Variants in LPP observed in about 807,000 individuals in gnomAD.
LPP encodes the protein lipoma-preferred partner.
LPP carries 38 observed loss-of-function variants against 60.4 expected under a neutral mutation model. The ratio of observed to expected loss-of-function variants is 0.63; its 90% CI spans 0.49 to 0.83. LPP has a LOEUF of 0.83. LPP is among the 40% of genes least tolerant of loss of function. LPP has a pLI of 0.00. For synonymous variants in LPP, 328 were observed against 290.8 expected (o/e 1.13, Z -1.30); for missense variants, 902 against 783.6 (o/e 1.15, Z -1.80).
chr3:188,455,049 T>C (rs1797426549), intron 4 of LPP, among the ~76,000 whole-genome samples: 2 of 152,214 alleles, frequency 1.3e-5, no homozygotes, highest in African/African-American at 2.4e-5. Flanking sequence ...TAATATGTGC[T>C]TTTATGTTTG....
Position 188,881,759 on chromosome 3 carries a change from GTCT to G in LPP, c.*7286_*7288del, listed in dbSNP as rs1375330355. 1 of 223,316 alleles carries G rather than the reference GTCT, an allele frequency of 4.5e-6. No individual in the cohort carries two copies. The highest frequency in any genetic ancestry group is 8.9e-6 in the Non-Finnish European group (1 of 111,952). 13.8% of individuals were successfully genotyped at this position (223,316 alleles called of 1,614,324 possible). A position where few individuals can be genotyped will look rare whatever the true frequency, so the allele number is the denominator to read the frequency against. ...CATTCAACCTTTTCCTTTTATCCTT[GTCT>G]TCTTCAGAATAAGACATTTTTCCTC... is the stretch of plus-strand genomic sequence containing the variant. On this transcript the variant is annotated 3_prime_UTR_variant, in exon 12 of 12. Transcript: ENST00000617246.
intron 1 of LPP, among the ~76,000 whole-genome samples, chr3:188,203,179 TTTATATA>T (rs566350233): frequency 0.06 from 8,109 of 135,096 alleles, 301 homozygotes; most frequent in Non-Finnish European, 0.078. Context: ...TATATATAAT[TTTATATA>T]TTATATATTA....
intron 4 of LPP, among the ~76,000 whole-genome samples, chr3:188,413,544 C>T (rs1485751381): frequency 1.3e-5 from 2 of 152,104 alleles, no homozygotes; most frequent in African/African-American, 2.4e-5. Flanking sequence ...GTAAGCATCT[C>T]GAGCCTCATC....
At chr3:188,668,176 G>T (rs1456121013) in intron 7 of LPP, among the ~76,000 whole-genome samples, 2 of 151,812 alleles carry the variant, frequency 1.3e-5, no homozygotes, top group Non-Finnish European at 2.9e-5. Context: ...AATGGTATCT[G>T]GTACATATGG....
chr3:188,154,432 G>C (rs1447997164), intron 1 of LPP, among the ~76,000 whole-genome samples, 180 bp downstream of exon 1: 2 of 152,046 alleles, frequency 1.3e-5, no homozygotes, highest in African/African-American at 4.8e-5. Flanking sequence ...GCACGCCATG[G>C]GGGAGGGGGA....
At chr3:188,607,165 A>ACACACACACACT (rs1242593405) in intron 6 of LPP, among the ~76,000 whole-genome samples, 13 of 125,366 alleles carry the variant, frequency 1.0e-4, no homozygotes, top group African/African-American at 3.6e-4. Flanking sequence ...ACACACACAC[A>ACACACACACACT]CTATTTAAAC....
At chr3:188,773,991 A>G (rs1374163783) in intron 9 of LPP, among the ~76,000 whole-genome samples, 1 of 152,216 alleles carries the variant, frequency 6.6e-6, no homozygotes, top group East Asian at 1.9e-4. Context: ...AGACAAGTGG[A>G]GACTGATATT....
intron 7 of LPP, among the ~76,000 whole-genome samples, chr3:188,636,812 C>T (rs147107146): frequency 6.6e-5 from 10 of 151,450 alleles, no homozygotes; most frequent in Admixed American, 2.0e-4. Context: ...ACACCTCACA[C>T]GGCAGGGTAT....
chr3:188,676,409 A>C (rs1858111792), intron 7 of LPP, among the ~76,000 whole-genome samples: 1 of 152,216 alleles, frequency 6.6e-6, no homozygotes, highest in African/African-American at 2.4e-5. Context: ...TTAGCACTGA[A>C]GTTGAGAACA....
chr3:188,849,133 C>T (rs925767773), intron 9 of LPP, among the ~76,000 whole-genome samples: 1 of 152,178 alleles, frequency 6.6e-6, no homozygotes, highest in Non-Finnish European at 1.5e-5. Flanking sequence ...CTCTGCCATG[C>T]CTAGCATGCG....
chr3:188,867,628 A>G (rs1470563353), intron 10 of LPP, among the ~76,000 whole-genome samples: 4 of 152,094 alleles, frequency 2.6e-5, no homozygotes, highest in Admixed American at 6.6e-5. Context: ...ACAGGCATGA[A>G]CCACTGTGCC....
chr3:188,560,433 A>G (rs1156616280), intron 6 of LPP, among the ~76,000 whole-genome samples: 1 of 152,096 alleles, frequency 6.6e-6, no homozygotes, highest in Non-Finnish European at 1.5e-5. Flanking sequence ...TCATGCTACT[A>G]CTGTTTCATA....
intron 7 of LPP, among the ~76,000 whole-genome samples, chr3:188,666,615 A>G (rs971289919): frequency 5.3e-5 from 8 of 152,238 alleles, no homozygotes; most frequent in Non-Finnish European, 8.8e-5. Context: ...TTATTTTTCA[A>G]CAGGAAAGAA....
At chr3:188,627,414 T>G (rs1294354042) in intron 7 of LPP, among the ~76,000 whole-genome samples, 1 of 152,120 alleles carries the variant, frequency 6.6e-6, no homozygotes, top group African/African-American at 2.4e-5. Flanking sequence ...TCACATGCAG[T>G]GACACCTTTA....
In LPP at chr3:188,878,838, AT is replaced by A. The variant is rs1769578912; in HGVS notation, c.*4365del. On this transcript the variant is annotated 3_prime_UTR_variant, in exon 12 of 12. Transcript: ENST00000617246. ...ATCTTAATATATTCTAGTAGTATTT[AT>A]TTTTTCCTTGTCTTGGAAGTATCTC... is the stretch of plus-strand genomic sequence containing the variant. 4.8e-6 allele frequency: 1 copy of A among 207,090 alleles called. No individual in the cohort carries two copies. Among genetic ancestry groups the A allele is most frequent in the Non-Finnish European group, 9.8e-6 (1 of 101,700 alleles). 12.8% of individuals were successfully genotyped at this position (207,090 alleles called of 1,614,324 possible).
At chr3:188,416,915 G>T (rs768184668) in intron 4 of LPP, among the ~76,000 whole-genome samples, 1 of 151,942 alleles carries the variant, frequency 6.6e-6, no homozygotes, top group East Asian at 1.9e-4. Context: ...ATTCATTATG[G>T]ACATTATAAA....
intron 6 of LPP, among the ~76,000 whole-genome samples, chr3:188,576,383 G>A (rs964054421): frequency 6.6e-6 from 1 of 152,138 alleles, no homozygotes; most frequent in Non-Finnish European, 1.5e-5. Context: ...GTAGAATGTT[G>A]AGTGGTTCAT....
At chr3:188,208,995 A>G (rs1435023828) in intron 1 of LPP, among the ~76,000 whole-genome samples, 1 of 152,198 alleles carries the variant, frequency 6.6e-6, no homozygotes, top group African/African-American at 2.4e-5. Context: ...CACTCTCATT[A>G]TCTCATATGA....
chr3:188,758,647 G>A (rs961612112), intron 8 of LPP: 3 of 152,140 alleles, frequency 2.0e-5, no homozygotes, highest in Non-Finnish European at 4.4e-5. Context: ...CCATGTTTGA[G>A]TGTGAAATGG....
Sources: gnomAD v4.1 joint callset for allele counts (sites outside exome capture counted in the v4.1 genomes callset) on GRCh38, gnomAD v4.1.1 for gene constraint, MANE v1.5 for transcripts, NCBI Gene and HGNC (gene_info 2026-07-23, HGNC 2026-07-21) for gene names.